The following RSF1 variants were observed in gnomAD, a reference collection of about 807,000 sequenced individuals.
RSF1 encodes the protein HBV pX-associated protein 8.
A neutral mutation model predicts 145.2 loss-of-function variants in RSF1; 13 were observed. That is an observed-to-expected ratio of 0.09 (90% confidence interval 0.06 to 0.14). The LOEUF (loss-of-function observed/expected upper bound fraction) is 0.14, where lower values mean the gene tolerates loss of function less well. RSF1 is among the 10% of genes least tolerant of loss of function. RSF1 has a pLI of 1.00. For missense variants in RSF1, 1,517 were observed against 1,718.2 expected (o/e 0.88, Z 2.07); for synonymous variants, 577 against 592.6 (o/e 0.97, Z 0.38).
intron 1 of RSF1, among the ~76,000 whole-genome samples, chr11:77,792,461 G>A (rs936578953): frequency 6.6e-6 from 1 of 152,130 alleles, no homozygotes; most frequent in Non-Finnish European, 1.5e-5. Context: ...ACTGGTGCTG[G>A]TGTACGTCAC....
the RSF1 span, among the ~76,000 whole-genome samples, chr11:77,856,546 A>T: frequency 1.3e-5 from 2 of 152,192 alleles, no homozygotes; most frequent in African/African-American, 4.8e-5. Flanking sequence ...GAGACTGGAT[A>T]GTTTCTAGAG....
chr11:77,796,691 T>G (rs983047538), intron 1 of RSF1, among the ~76,000 whole-genome samples: 4 of 152,172 alleles, frequency 2.6e-5, no homozygotes, highest in Admixed American at 6.5e-5. Context: ...AGAAAGGGTA[T>G]TCAGATAGGA....
the RSF1 span, among the ~76,000 whole-genome samples, chr11:77,849,643 G>C: frequency 2.6e-5 from 4 of 151,878 alleles, no homozygotes; most frequent in Admixed American, 2.6e-4. Context: ...GTTTTTTTGT[G>C]TGTTTTTTTT....
At chr11:77,746,443 C>T (rs1029544266) in intron 3 of RSF1, among the ~76,000 whole-genome samples, 10 of 152,054 alleles carry the variant, frequency 6.6e-5, no homozygotes, top group Non-Finnish European at 8.8e-5. Flanking sequence ...GAATAAGAAG[C>T]CTACTTACAA....
chr11:77,809,640 T>C (rs1948711692), intron 1 of RSF1, among the ~76,000 whole-genome samples: 1 of 152,348 alleles, frequency 6.6e-6, no homozygotes, highest in South Asian at 2.1e-4. Flanking sequence ...TGAATTCAGA[T>C]GCCAGACCAA....
rs766558399 is a variant in RSF1 at position 77,820,686 on chromosome 11, A to G, written c.29T>C (p.Val10Ala). ...ACCCGGGCAGCCCGGAGGAGCCATC[A>G]CCGCCGCCGCTGCCGCCGCCGTCGC... is the stretch of plus-strand genomic sequence containing the variant. Reference protein sequence around the residue: MATAAAAAAVMAPPGCPGSC... With the variant: MATAAAAAAAMAPPGCPGSC... Residue 10 changes from valine (V) to alanine (A), a missense_variant, in exon 1 of 16, where the codon GTG becomes GCG. Physicochemically the swap from Val to Ala is moderately conservative, Grantham distance 64. This residue lies in a region of RSF1 where 85 missense variants were observed against 91.8 expected (regional missense o/e 0.93). Transcript: ENST00000308488. 10 of 1,551,202 alleles carry G rather than the reference A, an allele frequency of 6.4e-6. No homozygotes were observed. Among genetic ancestry groups the G allele is most frequent in the Non-Finnish European group, 8.7e-6 (10 of 1,148,870 alleles).
intron 7 of RSF1, among the ~76,000 whole-genome samples, chr11:77,697,796 T>TG (rs1414983882): frequency 6.6e-6 from 1 of 151,942 alleles, no homozygotes; most frequent in East Asian, 1.9e-4. Flanking sequence ...AATAATCACA[T>TG]GGGGTAACTA....
intron 7 of RSF1, among the ~76,000 whole-genome samples, chr11:77,694,957 C>G (rs1361588613): frequency 6.6e-6 from 1 of 152,156 alleles, no homozygotes; most frequent in Non-Finnish European, 1.5e-5. Flanking sequence ...GAAGAGCCTA[C>G]AGAGGGGAAA....
intron 5 of RSF1, 198 bp from the exon 6 acceptor site, chr11:77,702,693 TA>T (rs1319492534): frequency 7.3e-5 from 28 of 385,114 alleles, no homozygotes; most frequent in Non-Finnish European, 1.1e-4. Flanking sequence ...TTCTAGATAT[TA>T]AAAAAAATTT....
rs182439967 is a variant in RSF1, at chr11:77,733,064, T to C, written c.579-7365A>G. Among the ~76,000 whole-genome samples, 37 of 152,328 alleles carry C rather than the reference T, an allele frequency of 2.4e-4. No individual in the cohort carries two copies. The Middle Eastern group carries it at 0.014, about 56-fold the overall frequency. Reference sequence around the variant, plus strand: ...TTATACAAGGCTTTTTGTAAACATGTTTTCATTTCTCTAATATAAATACCC... The same window carrying C: ...TTATACAAGGCTTTTTGTAAACATGCTTTCATTTCTCTAATATAAATACCC... On this transcript the variant is annotated intron_variant, in intron 4 of 15. Transcript: ENST00000308488.
the RSF1 span, among the ~76,000 whole-genome samples, chr11:77,856,649 G>C: frequency 6.6e-6 from 1 of 152,116 alleles, no homozygotes; most frequent in African/African-American, 2.4e-5. Context: ...AGAAGGTGAA[G>C]AGGAAGCTGG....
chr11:77,847,403 C>A, the RSF1 span, among the ~76,000 whole-genome samples: 3 of 152,062 alleles, frequency 2.0e-5, no homozygotes, highest in Non-Finnish European at 4.4e-5. Flanking sequence ...AAAATTAGGC[C>A]CCACATAGAA....
At chr11:77,727,787 A>G (rs1402159658) in intron 4 of RSF1, among the ~76,000 whole-genome samples, 2 of 151,832 alleles carry the variant, frequency 1.3e-5, no homozygotes, top group African/African-American at 2.4e-5. Flanking sequence ...GCCTACTTCC[A>G]CTACTTTAAG....
the RSF1 span, among the ~76,000 whole-genome samples, chr11:77,832,949 ATATGTGTGTGTGTG>A: frequency 7.4e-3 from 711 of 96,016 alleles, 17 homozygotes; most frequent in African/African-American, 0.013. Context: ...TTGTATATAT[ATATGTGTGTGTGTG>A]TGTGTGTGTG....
At chr11:77,738,847 T>G (rs1001222582) in intron 4 of RSF1, 1 of 139,708 alleles carries the variant, frequency 7.2e-6, no homozygotes, top group Non-Finnish European at 1.5e-5. Context: ...ACCCAGCTAA[T>G]TTTTTTTTTT....
intron 4 of RSF1, among the ~76,000 whole-genome samples, chr11:77,733,346 C>CTA (rs10580240): frequency 4.1e-4 from 62 of 150,248 alleles, no homozygotes; most frequent in East Asian, 2.3e-3. Context: ...TGAATACTGG[C>CTA]TATATATATA....
In RSF1 at chr11:77,701,182, G is replaced by C. The variant is rs766394779; in HGVS notation, c.2047C>G (p.Leu683Val). The C allele has an allele frequency of 6.2e-7, 1 of 1,614,134 alleles. No homozygotes were observed. Among genetic ancestry groups the C allele is most frequent in the East Asian group, 2.2e-5 (1 of 44,880 alleles). ...SEFTKVEMDN[L>V]DNAQTSGIEE... ...ATGCCAGAGGTCTGGGCATTGTCCAGATTATCCATTTCTACCTTTGTGAAC... is the reference window on the plus strand; with the variant it reads ...ATGCCAGAGGTCTGGGCATTGTCCACATTATCCATTTCTACCTTTGTGAAC... The change falls in exon 6 of 16, where the codon CTG (leucine) becomes GTG (valine). Residue 683 changes from leucine (L) to valine (V), a missense_variant. Leu to Val is a conservative substitution (Grantham distance 32). Coordinates refer to ENST00000308488, the MANE Select transcript of RSF1 (RefSeq NM_016578.4).
intron 5 of RSF1, among the ~76,000 whole-genome samples, chr11:77,721,971 G>A (rs909738402): frequency 1.3e-5 from 2 of 152,076 alleles, no homozygotes; most frequent in Non-Finnish European, 2.9e-5. Flanking sequence ...TCAGGAGTTC[G>A]AGACCAGCCT....
At chr11:77,827,166 A>AG in the RSF1 span, among the ~76,000 whole-genome samples, 1 of 152,158 alleles carries the variant, frequency 6.6e-6, no homozygotes, top group South Asian at 2.1e-4. Context: ...CCCTCAGAAA[A>AG]GAAAAAAAGC....
Sources: allele counts gnomAD v4.1 joint callset (sites outside exome capture counted in the v4.1 genomes callset), GRCh38; gene constraint gnomAD v4.1.1; regional missense constraint gnomAD v4.1.1; transcripts MANE v1.5; gene names NCBI Gene and HGNC (gene_info 2026-07-23, HGNC 2026-07-21).